Variants in ELAVL4 observed in about 807,000 individuals in gnomAD.
ELAVL4 encodes ELAV like RNA binding protein 4.
In ELAVL4, 1 loss-of-function variant was observed where a neutral mutation model predicts 35.6. That is an observed-to-expected ratio of 0.03 (90% CI 0.01 to 0.13). ELAVL4 has a LOEUF of 0.13. Ranked by LOEUF, ELAVL4 falls within the 10% of genes least tolerant of loss-of-function variation. The pLI, the probability that ELAVL4 is intolerant of heterozygous loss-of-function variation, is 1.00. For synonymous variants in ELAVL4, 156 were observed against 171.0 expected (o/e 0.91, Z 0.69); for missense variants, 267 against 464.9 (o/e 0.57, Z 3.91).
chr1:50,077,343 A>G (rs1345244532), intron 1 of ELAVL4, among the ~76,000 whole-genome samples: 1 of 152,200 alleles, frequency 6.6e-6, no homozygotes, highest in Non-Finnish European at 1.5e-5. Flanking sequence ...GAAAGAGCCA[A>G]TGTTTCAGTC....
chr1:50,122,634 A>C (rs1161419839), intron 1 of ELAVL4, among the ~76,000 whole-genome samples: 1 of 152,106 alleles, frequency 6.6e-6, no homozygotes, highest in African/African-American at 2.4e-5. Flanking sequence ...AGCCAACAAG[A>C]GCTCAAGAAC....
At chr1:50,136,074 G>A (rs550030061) in intron 1 of ELAVL4, among the ~76,000 whole-genome samples, 40 of 152,256 alleles carry the variant, frequency 2.6e-4, no homozygotes, top group African/African-American at 7.9e-4. Context: ...GCGAATTAAA[G>A]CCTCTTGAAA....
At chr1:50,081,602 T>G (rs889059879) in intron 1 of ELAVL4, among the ~76,000 whole-genome samples, 1 of 152,268 alleles carries the variant, frequency 6.6e-6, no homozygotes, top group African/African-American at 2.4e-5. Context: ...CCCTTTTGAA[T>G]CTTGCAGTGG....
chr1:50,080,507 T>C (rs1664961441), intron 1 of ELAVL4, among the ~76,000 whole-genome samples: 2 of 152,184 alleles, frequency 1.3e-5, no homozygotes, highest in South Asian at 2.1e-4. Flanking sequence ...TTCTCTCAAA[T>C]ATATATGTGT....
In ELAVL4 at chr1:50,201,214, A is replaced by G. The variant is rs774299057; in HGVS notation, c.*36A>G. On this transcript the variant is annotated 3_prime_UTR_variant, in exon 7 of 7. Transcript: ENST00000371824. The surrounding 1 kb of genome is among the most constrained non-coding windows in gnomAD (Gnocchi z 4.3). Reference sequence around the variant, plus strand: ...CTTACTTACTAAAATATATATAGAAATATATACGAACAAAACACACGCGCG... The same window carrying G: ...CTTACTTACTAAAATATATATAGAAGTATATACGAACAAAACACACGCGCG... The G allele has an allele frequency of 1.3e-6, 2 of 1,506,074 alleles. No homozygotes were observed. Among genetic ancestry groups the G allele is most frequent in the Non-Finnish European group, 1.8e-6 (2 of 1,131,350 alleles). The allele number at this position is 1,506,074 out of a possible 1,614,324, so 93.3% of individuals were successfully genotyped here. A position where few individuals can be genotyped will look rare whatever the true frequency, so the allele number is the denominator to read the frequency against.
chr1:50,177,866 G>C (rs921162819), intron 3 of ELAVL4, among the ~76,000 whole-genome samples: 1 of 152,198 alleles, frequency 6.6e-6, no homozygotes, highest in Non-Finnish European at 1.5e-5. Flanking sequence ...AATTAGGTGG[G>C]TAGATAATAT....
In ELAVL4 at chr1:50,203,440, T is replaced by C. The variant is rs1644461425; in HGVS notation, c.*2262T>C. 6.6e-6 allele frequency: 1 copy of C among 152,124 alleles called. No individual in the cohort carries two copies. The highest frequency in any genetic ancestry group is 1.5e-5 in the Non-Finnish European group (1 of 68,004). 9.4% of individuals were successfully genotyped at this position (152,124 alleles called of 1,614,324 possible). ...CAGATTTCAGTTCAGAGAACACTCGTTCAACATTCAGGGAAAGCTTTTTAC... is the reference window on the plus strand; with the variant it reads ...CAGATTTCAGTTCAGAGAACACTCGCTCAACATTCAGGGAAAGCTTTTTAC... On this transcript the variant is annotated 3_prime_UTR_variant, in exon 7 of 7. Coordinates refer to ENST00000371824, the MANE Select transcript of ELAVL4 (RefSeq NM_001144774.3).
chr1:50,172,350 C>T (rs12734294), intron 2 of ELAVL4, among the ~76,000 whole-genome samples: 10,716 of 152,268 alleles, frequency 0.07, 842 homozygotes, highest in East Asian at 0.42. Flanking sequence ...TTTACTCTTT[C>T]ACAGCAGATT....
intron 3 of ELAVL4, among the ~76,000 whole-genome samples, chr1:50,183,791 T>G (rs929783382): frequency 1.3e-5 from 2 of 152,236 alleles, no homozygotes; most frequent in East Asian, 1.9e-4. Flanking sequence ...GCATAAGCAA[T>G]TATTTCTCCT....
intron 1 of ELAVL4, among the ~76,000 whole-genome samples, chr1:50,098,802 T>C (rs1420601830): frequency 2.0e-5 from 3 of 152,172 alleles, no homozygotes; most frequent in African/African-American, 7.2e-5. Flanking sequence ...GCCTCTCTTG[T>C]TTTTCACATT....
chr1:50,119,343 T>C lies in ELAVL4; in HGVS notation c.9+10145T>C, dbSNP rs184979043. ...TGGAGAAGGGATGGTATAGAAGATGTTTGTCCATATTTTAGCCTTGGAAAA... is the reference window on the plus strand; with the variant it reads ...TGGAGAAGGGATGGTATAGAAGATGCTTGTCCATATTTTAGCCTTGGAAAA... On this transcript the variant is annotated intron_variant, in intron 1 of 6. Coordinates refer to ENST00000371824, the MANE Select transcript of ELAVL4 (RefSeq NM_001144774.3). Among the ~76,000 whole-genome samples, 723 of 152,132 alleles carry C rather than the reference T, an allele frequency of 4.8e-3. 3 individuals are homozygous for C. The highest frequency in any genetic ancestry group is 0.017 in the Middle Eastern group (5 of 294).
rs1041577738 is a variant in ELAVL4 at position 50,202,156 on chromosome 1, T to C, written c.*978T>C. 1 of 152,172 alleles carries C rather than the reference T, an allele frequency of 6.6e-6. No individual in the cohort carries two copies. Among genetic ancestry groups the C allele is most frequent in the African/African-American group, 2.4e-5 (1 of 41,432 alleles). 9.4% of individuals were successfully genotyped at this position (152,172 alleles called of 1,614,324 possible). ...TAATAATTAAAAAACAATTATTAATTACTAGGGGAAAGGAGTGTTCGTTCT... is the reference window on the plus strand; with the variant it reads ...TAATAATTAAAAAACAATTATTAATCACTAGGGGAAAGGAGTGTTCGTTCT... On this transcript the variant is annotated 3_prime_UTR_variant, in exon 7 of 7. Coordinates refer to ENST00000371824, the MANE Select transcript of ELAVL4 (RefSeq NM_001144774.3).
At chr1:50,082,678 G>C (rs1386849971) in intron 1 of ELAVL4, among the ~76,000 whole-genome samples, 1 of 152,090 alleles carries the variant, frequency 6.6e-6, no homozygotes, top group Non-Finnish European at 1.5e-5. Context: ...CTCATCTATT[G>C]TCTCCATTAG....
At chr1:50,113,217 A>C (rs1397453192) in intron 1 of ELAVL4, among the ~76,000 whole-genome samples, 1 of 147,668 alleles carries the variant, frequency 6.8e-6, no homozygotes, top group Non-Finnish European at 1.5e-5. Context: ...CCTCAGAGTA[A>C]GTCTTTTTTT....
At chr1:50,135,658 A>G (rs1207532431) in intron 1 of ELAVL4, among the ~76,000 whole-genome samples, 2 of 152,176 alleles carry the variant, frequency 1.3e-5, no homozygotes, top group African/African-American at 2.4e-5. Context: ...AGAATTTATT[A>G]CCACATAACT....
At chr1:50,165,693 CACAT>C (rs1677710266) in intron 2 of ELAVL4, among the ~76,000 whole-genome samples, 1 of 145,650 alleles carries the variant, frequency 6.9e-6, no homozygotes, top group South Asian at 2.2e-4. Flanking sequence ...CATATATACA[CACAT>C]ATACATATAT....
chr1:50,197,490 C>T, intron 6 of ELAVL4, 23 bp downstream of exon 6: 1 of 1,557,092 alleles, frequency 6.4e-7, no homozygotes. Context: ...CCACAGATTG[C>T]CAGATGTCCA....
At chr1:50,078,726 G>T (rs1455377790) in intron 1 of ELAVL4, among the ~76,000 whole-genome samples, 2 of 152,294 alleles carry the variant, frequency 1.3e-5, no homozygotes. Flanking sequence ...AGTGAAAGAG[G>T]AAAGGTGCCT....
chr1:50,061,871 C>A (rs1468507091), intron 1 of ELAVL4, among the ~76,000 whole-genome samples: 1 of 152,156 alleles, frequency 6.6e-6, no homozygotes, highest in Non-Finnish European at 1.5e-5. Flanking sequence ...TTTCTTCACC[C>A]TCCTCGCCCC....
Sources: gnomAD v4.1 joint callset for allele counts (sites outside exome capture counted in the v4.1 genomes callset) on GRCh38, gnomAD v4.1.1 for gene constraint, Gnocchi (gnomAD v3.1) non-coding constraint, MANE v1.5 for transcripts, NCBI Gene and HGNC (gene_info 2026-07-23, HGNC 2026-07-21) for gene names.